The following KCNB2 variants were observed in gnomAD, a reference collection of about 807,000 sequenced individuals.
KCNB2 encodes the protein delayed rectifier potassium channel protein.
In KCNB2, 15 loss-of-function variants were observed where a neutral mutation model predicts 61.5. The observed-to-expected ratio is 0.24, with a 90% confidence interval of 0.16 to 0.38. KCNB2 has a LOEUF of 0.38. KCNB2 is among the 10% of genes least tolerant of loss of function. KCNB2 has a pLI of 1.00. For synonymous variants in KCNB2, 457 were observed against 446.0 expected (o/e 1.02, Z -0.31); for missense variants, 828 against 1,125.2 (o/e 0.74, Z 3.78).
At chr8:72,645,180 A>G (rs1159670523) in intron 2 of KCNB2, among the ~76,000 whole-genome samples, 2 of 152,160 alleles carry the variant, frequency 1.3e-5, no homozygotes, top group Non-Finnish European at 2.9e-5. Context: ...GGAATGATGC[A>G]AAATCCTAGA....
chr8:72,569,237 G>C (rs528508548), intron 2 of KCNB2, among the ~76,000 whole-genome samples: 1 of 152,292 alleles, frequency 6.6e-6, no homozygotes, highest in Non-Finnish European at 1.5e-5. Flanking sequence ...TGTGCGTAAT[G>C]GATGAAAATG....
At chr8:72,727,370 A>T (rs1478881455) in intron 2 of KCNB2, among the ~76,000 whole-genome samples, 1 of 152,208 alleles carries the variant, frequency 6.6e-6, no homozygotes, top group Non-Finnish European at 1.5e-5. Flanking sequence ...CTATTGTAGT[A>T]AGCTCATTAA....
intron 2 of KCNB2, among the ~76,000 whole-genome samples, chr8:72,575,927 G>A (rs1425853897): frequency 6.6e-6 from 1 of 152,042 alleles, no homozygotes; most frequent in African/African-American, 2.4e-5. Flanking sequence ...TTTAAAACTT[G>A]CCTTTCTGGC....
At chr8:72,815,878 T>C (rs1217591175) in intron 2 of KCNB2, among the ~76,000 whole-genome samples, 2 of 152,062 alleles carry the variant, frequency 1.3e-5, no homozygotes, top group Non-Finnish European at 2.9e-5. Flanking sequence ...TATGAAAAGC[T>C]TGTGAGAACT....
At chr8:72,846,914 A>G (rs1486660986) in intron 2 of KCNB2, among the ~76,000 whole-genome samples, 1 of 152,244 alleles carries the variant, frequency 6.6e-6, no homozygotes, top group East Asian at 1.9e-4. Flanking sequence ...CTAGGTATAT[A>G]CCCAAAGGAT....
chr8:72,718,776 T>A (rs1336585172), intron 2 of KCNB2, among the ~76,000 whole-genome samples: 3 of 152,048 alleles, frequency 2.0e-5, no homozygotes, highest in Non-Finnish European at 4.4e-5. Flanking sequence ...AACAAACCTG[T>A]ACGTTGTGCG....
At chr8:72,585,293 T>C (rs1353944883) in intron 2 of KCNB2, among the ~76,000 whole-genome samples, 1 of 152,236 alleles carries the variant, frequency 6.6e-6, no homozygotes, top group Non-Finnish European at 1.5e-5. Flanking sequence ...CTAGGAATTC[T>C]TCATAATATA....
intron 2 of KCNB2, among the ~76,000 whole-genome samples, chr8:72,831,901 C>A (rs1239902641): frequency 6.6e-6 from 1 of 152,182 alleles, no homozygotes; most frequent in East Asian, 1.9e-4. Context: ...GGCTAAGAAG[C>A]AATCAGATTA....
At chr8:72,604,166 G>C (rs1396093291) in intron 2 of KCNB2, among the ~76,000 whole-genome samples, 1 of 152,170 alleles carries the variant, frequency 6.6e-6, no homozygotes, top group African/African-American at 2.4e-5. Flanking sequence ...TTTCTCATCT[G>C]TAAAATGGTC....
intron 2 of KCNB2, among the ~76,000 whole-genome samples, chr8:72,683,653 C>G (rs1806799846): frequency 1.3e-5 from 2 of 152,134 alleles, no homozygotes; most frequent in Non-Finnish European, 2.9e-5. Flanking sequence ...AAAGGTCCTC[C>G]AGTGGAGTTT....
At chr8:72,751,028 G>C (rs569382252) in intron 2 of KCNB2, 1 of 152,104 alleles carries the variant, frequency 6.6e-6, no homozygotes. Context: ...AGAAACTTAA[G>C]AAGGCTACCC....
At chr8:72,843,233 T>C (rs1242680312) in intron 2 of KCNB2, among the ~76,000 whole-genome samples, 1 of 152,230 alleles carries the variant, frequency 6.6e-6, no homozygotes, top group Non-Finnish European at 1.5e-5. Context: ...AGTTTCCATG[T>C]AGCTGTGAGC....
At chr8:72,695,267 A>T (rs1238158079) in intron 2 of KCNB2, among the ~76,000 whole-genome samples, 1 of 152,176 alleles carries the variant, frequency 6.6e-6, no homozygotes, top group African/African-American at 2.4e-5. Flanking sequence ...AAATGAAGAG[A>T]TAAATATTTC....
At chr8:72,837,987 C>T (rs1809812449) in intron 2 of KCNB2, among the ~76,000 whole-genome samples, 1 of 152,020 alleles carries the variant, frequency 6.6e-6, no homozygotes, top group Non-Finnish European at 1.5e-5. Context: ...ACTGGTATTA[C>T]CTTTTTATAT....
chr8:72,633,529 G>A (rs1031583171), intron 2 of KCNB2, among the ~76,000 whole-genome samples: 1 of 152,108 alleles, frequency 6.6e-6, no homozygotes, highest in African/African-American at 2.4e-5. Flanking sequence ...CATTCTGCCT[G>A]GCACGCCTTC....
chr8:72,681,431 A>G (rs571126524), intron 2 of KCNB2, among the ~76,000 whole-genome samples: 5 of 152,126 alleles, frequency 3.3e-5, no homozygotes, highest in African/African-American at 9.7e-5. Flanking sequence ...AGGATCATCA[A>G]TGTCACTGTT....
At chr8:72,792,809 C>G (rs1466805152) in intron 2 of KCNB2, among the ~76,000 whole-genome samples, 1 of 152,146 alleles carries the variant, frequency 6.6e-6, no homozygotes, top group Non-Finnish European at 1.5e-5. Flanking sequence ...AGTATCTTAC[C>G]TTGATCTTTT....
chr8:72,727,227 C>A (rs1322406664), intron 2 of KCNB2, among the ~76,000 whole-genome samples: 1 of 152,060 alleles, frequency 6.6e-6, no homozygotes, highest in African/African-American at 2.4e-5. Context: ...CCCCCCAGAC[C>A]TATTTTAAAT....
In KCNB2 at chr8:72,762,293, G is replaced by A. The variant is rs559535603; in HGVS notation, c.580-173642G>A. Among the ~76,000 whole-genome samples the A allele has an allele frequency of 4.6e-5, 7 of 152,290 alleles. No individual in the cohort carries two copies. In the South Asian group the frequency reaches 8.3e-4, roughly 18 times the overall value. ...AACATTTTCCAGGCATGAATGATAC[G>A]ACATCTGTACCTATTCCAGTATAAG... On this transcript the variant is annotated intron_variant, in intron 2 of 2. Transcript: ENST00000523207.
Sources: gnomAD v4.1 joint callset for allele counts (sites outside exome capture counted in the v4.1 genomes callset) on GRCh38, gnomAD v4.1.1 for gene constraint, MANE v1.5 for transcripts, NCBI Gene and HGNC (gene_info 2026-07-23, HGNC 2026-07-21) for gene names.